The following STK24 variants were observed in gnomAD, a reference collection of about 807,000 sequenced individuals.
STK24 encodes serine/threonine-protein kinase 24.
In STK24, 21 loss-of-function variants were observed where a neutral mutation model predicts 55.6. That is an observed-to-expected ratio of 0.38 (90% confidence interval 0.27 to 0.54). STK24 has a LOEUF of 0.54. Ranked by LOEUF, STK24 falls within the 20% of genes least tolerant of loss-of-function variation. The pLI is 0.79. For synonymous variants in STK24, 200 were observed against 215.2 expected, an observed-to-expected ratio of 0.93 and a Z score of 0.62; for missense variants, 383 against 538.4, an observed-to-expected ratio of 0.71 and a Z score of 2.86.
At chr13:98,496,137 G>C (rs1465659328) in intron 2 of STK24, among the ~76,000 whole-genome samples, 2 of 152,176 alleles carry the variant, frequency 1.3e-5, no homozygotes, top group Non-Finnish European at 2.9e-5. Context: ...GGGAGCCATG[G>C]GTGGGATGAT....
chr13:98,537,427 C>T (rs1896766040), intron 1 of STK24, among the ~76,000 whole-genome samples: 1 of 152,236 alleles, frequency 6.6e-6, no homozygotes, highest in South Asian at 2.1e-4. Context: ...ACCTCAACCC[C>T]ATCAGCTGAA....
At chr13:98,474,698 C>G in intron 5 of STK24, 123 bp downstream of exon 5, 1 of 1,274,062 alleles carries the variant, frequency 7.8e-7, no homozygotes, top group Non-Finnish European at 1.1e-6. Context: ...GAAGAATTAC[C>G]TTTATGACCT....
intron 10 of STK24, 155 bp from the exon 11 acceptor site, chr13:98,453,364 G>T (rs1431767005): frequency 1.4e-6 from 1 of 733,164 alleles, no homozygotes; most frequent in Non-Finnish European, 2.2e-6. Flanking sequence ...AATTTTAAAA[G>T]AATGCATATA....
At chr13:98,511,812 T>C (rs948951806) in intron 2 of STK24, among the ~76,000 whole-genome samples, 1 of 152,194 alleles carries the variant, frequency 6.6e-6, no homozygotes, top group Admixed American at 6.5e-5. Flanking sequence ...GTTGGCATTG[T>C]TCTGGTCCCA....
rs973320700 is a variant in STK24 at position 98,567,946 on chromosome 13, G to T, written c.42+8799C>A. ...AGGTAGTGGTTTAAAAAAAAAAAGGGGGGGGGTGGGGAGTAGAGGAAGACA... is the reference window on the plus strand; with the variant it reads ...AGGTAGTGGTTTAAAAAAAAAAAGGTGGGGGGTGGGGAGTAGAGGAAGACA... On this transcript the variant is annotated intron_variant, in intron 1 of 10. Transcript: ENST00000539966. Among the ~76,000 whole-genome samples, 6 of 150,214 alleles carry T rather than the reference G, an allele frequency of 4.0e-5. No homozygotes were observed. The South Asian group carries it at 8.4e-4, about 21-fold the overall frequency.
At chr13:98,535,685 A>T (rs1896710992) in intron 1 of STK24, among the ~76,000 whole-genome samples, 1 of 152,168 alleles carries the variant, frequency 6.6e-6, no homozygotes. Flanking sequence ...CTCATTACAC[A>T]GCTGAGACAA....
chr13:98,569,413 C>CAAAAAAA (rs11316359), intron 1 of STK24, among the ~76,000 whole-genome samples: 3 of 127,140 alleles, frequency 2.4e-5, no homozygotes, highest in Admixed American at 8.0e-5. Flanking sequence ...ACAGCAGAGA[C>CAAAAAAA]AAAAAAAAAA....
chr13:98,446,954 T>G lies in STK24; in HGVS notation c.*6219A>C. The G allele has an allele frequency of 1.2e-6, 1 of 867,378 alleles. No homozygotes were observed. The highest frequency in any genetic ancestry group is 1.8e-6 in the Non-Finnish European group (1 of 558,368). 53.7% of individuals were successfully genotyped at this position (867,378 alleles called of 1,614,324 possible). A position where few individuals can be genotyped will look rare whatever the true frequency, so the allele number is the denominator to read the frequency against. On this transcript the variant is annotated 3_prime_UTR_variant, in exon 11 of 11. Transcript: ENST00000539966. ...TAAGCGTTTAGACCTGGGGTCCCAC[T>G]GCCCGACACCAGCAGGCGATTCTGT...
At chr13:98,552,162 G>C (rs1897174320) in intron 1 of STK24, among the ~76,000 whole-genome samples, 1 of 152,108 alleles carries the variant, frequency 6.6e-6, no homozygotes, top group South Asian at 2.1e-4. Context: ...GTCATGTATT[G>C]ATTCTATATT....
Position 98,446,911 on chromosome 13 carries a change from C to G in STK24, c.*6262G>C. The stretch of plus-strand genomic sequence containing the variant: ...TCCCAAGTCAGCGAGTGAGATGGCC[C>G]CACCCTTCCCTGCCAACTAAGCGTT... On this transcript the variant is annotated 3_prime_UTR_variant, in exon 11 of 11. Transcript: ENST00000539966. The G allele has an allele frequency of 7.5e-7, 1 of 1,335,498 alleles. No homozygotes were observed. Among genetic ancestry groups the G allele is most frequent in the East Asian group, 2.3e-5 (1 of 43,160 alleles). 82.7% of individuals were successfully genotyped at this position (1,335,498 alleles called of 1,614,324 possible).
chr13:98,464,137 G>A (rs118118763), intron 6 of STK24, among the ~76,000 whole-genome samples: 1,535 of 152,288 alleles, frequency 0.01, 13 homozygotes, highest in Non-Finnish European at 0.015. Context: ...AAATGATCTG[G>A]TCGGGCGCAG....
At chr13:98,510,892 G>A (rs557536250) in intron 2 of STK24, among the ~76,000 whole-genome samples, 78 of 152,174 alleles carry the variant, frequency 5.1e-4, no homozygotes, top group African/African-American at 1.8e-3. Context: ...ATTGTAGATC[G>A]GTAAAGGTTT....
intron 1 of STK24, among the ~76,000 whole-genome samples, chr13:98,530,340 G>A (rs1333583124): frequency 6.6e-6 from 1 of 152,204 alleles, no homozygotes; most frequent in Admixed American, 6.5e-5. Flanking sequence ...GATTGCCAGA[G>A]CTCCTGGCCT....
intron 1 of STK24, among the ~76,000 whole-genome samples, chr13:98,566,966 A>T (rs1248430584): frequency 1.3e-5 from 2 of 152,230 alleles, no homozygotes; most frequent in Admixed American, 1.3e-4. Flanking sequence ...AAGTTCGACG[A>T]AACTATACCT....
At chr13:98,482,446 C>T (rs968619000) in intron 2 of STK24, 125 bp from the exon 3 acceptor site, 11 of 569,230 alleles carry the variant, frequency 1.9e-5, no homozygotes, top group Admixed American at 9.7e-5. Flanking sequence ...TGTACCAGCA[C>T]GGGAAGTGTG....
rs1193878223 is a variant in STK24, at chr13:98,451,306, A to T, written c.*1867T>A. Reference sequence around the variant, plus strand: ...CTTATGCCGCCGGCCTCACGTAAGGAAACAGTTCCCCACACAGAATACTCC... The same window carrying T: ...CTTATGCCGCCGGCCTCACGTAAGGTAACAGTTCCCCACACAGAATACTCC... On this transcript the variant is annotated 3_prime_UTR_variant, in exon 11 of 11. Transcript: ENST00000539966. The T allele has an allele frequency of 1.3e-5, 2 of 152,164 alleles. No homozygotes were observed. The highest frequency in any genetic ancestry group is 2.9e-5 in the Non-Finnish European group (2 of 68,032). 9.4% of individuals were successfully genotyped at this position (152,164 alleles called of 1,614,324 possible). A position where few individuals can be genotyped will look rare whatever the true frequency, so the allele number is the denominator to read the frequency against.
chr13:98,495,684 T>C (rs1895226821), intron 2 of STK24, among the ~76,000 whole-genome samples: 1 of 152,234 alleles, frequency 6.6e-6, no homozygotes, highest in Non-Finnish European at 1.5e-5. Context: ...AAAGGGATCA[T>C]AGTCCTTGTC....
intron 1 of STK24, among the ~76,000 whole-genome samples, chr13:98,524,844 T>C (rs1184318587): frequency 6.6e-6 from 1 of 152,228 alleles, no homozygotes; most frequent in Non-Finnish European, 1.5e-5. Context: ...CTTTTACTAT[T>C]GTCCCAAAAG....
At chr13:98,494,081 A>T (rs1895149116) in intron 2 of STK24, among the ~76,000 whole-genome samples, 1 of 143,286 alleles carries the variant, frequency 7.0e-6, no homozygotes, top group South Asian at 2.4e-4. Context: ...TGACCTCGTG[A>T]TCCGCCCGCC....
Sources: allele counts gnomAD v4.1 joint callset (sites outside exome capture counted in the v4.1 genomes callset), GRCh38; gene constraint gnomAD v4.1.1; transcripts MANE v1.5; gene names NCBI Gene and HGNC (gene_info 2026-07-23, HGNC 2026-07-21).